OSBPL5: variants seen among roughly 807,000 people sequenced by gnomAD.
OSBPL5 encodes the protein oxysterol-binding protein-related protein 5.
In OSBPL5, 71 loss-of-function variants were observed where a neutral mutation model predicts 111.2. The ratio of observed to expected loss-of-function variants is 0.64; its 90% CI spans 0.53 to 0.78. OSBPL5 has a LOEUF of 0.78. Among genes scored for constraint, OSBPL5 ranks in the 30% least tolerant of loss-of-function variants. The pLI is 0.00. For missense variants in OSBPL5, 1,210 were observed against 1,189.3 expected (o/e 1.02, Z -0.26); for synonymous variants, 549 against 513.9 (o/e 1.07, Z -0.93).
chr11:3,088,705 G>A (rs1227610931), intron 21 of OSBPL5, among the ~76,000 whole-genome samples: 2 of 152,182 alleles, frequency 1.3e-5, no homozygotes, highest in Non-Finnish European at 2.9e-5. Context: ...GACTGTATTT[G>A]GAGATGGGGT....
At position 3,126,047 on chromosome 11, in the gene OSBPL5, C is replaced by A. The variant is rs184081509; in HGVS notation, c.219+426G>T. Among the ~76,000 whole-genome samples, 1 of 152,162 alleles carries A rather than the reference C, an allele frequency of 6.6e-6. No individual in the cohort carries two copies. Among genetic ancestry groups the A allele is most frequent in the African/African-American group, 2.4e-5 (1 of 41,430 alleles). On this transcript the variant is annotated intron_variant, in intron 3 of 21. Transcript: ENST00000263650. The surrounding 1 kb of genome is among the most constrained non-coding windows in gnomAD (Gnocchi z 6.5). ...CAAGCGTTGGTGAGGATGTGAGGAACTGGAGCCCTTGTGCACTGTGGGTGG... is the reference window on the plus strand; with the variant it reads ...CAAGCGTTGGTGAGGATGTGAGGAAATGGAGCCCTTGTGCACTGTGGGTGG...
Position 3,138,079 on chromosome 11 carries a change from C to T in OSBPL5, c.-21-8910G>A, listed in dbSNP as rs542120534. On this transcript the variant is annotated intron_variant, in intron 1 of 21. Transcript: ENST00000263650. Reference sequence around the variant, plus strand: ...CATCGAGCCATGCCTGCGTGTTCTCCGGGCTGCCTCAGCCAAGTCCTGTGC... The same window carrying T: ...CATCGAGCCATGCCTGCGTGTTCTCTGGGCTGCCTCAGCCAAGTCCTGTGC... Among the ~76,000 whole-genome samples, 239 of 152,320 alleles carry T rather than the reference C, an allele frequency of 1.6e-3. 1 individual carries two copies. The highest frequency in any genetic ancestry group is 5.2e-3 in the African/African-American group (217 of 41,572).
In OSBPL5 at chr11:3,092,322, G is replaced by A. The variant is rs1347110395; in HGVS notation, c.2259+110C>T. The A allele has an allele frequency of 5.2e-5, 72 of 1,378,892 alleles. No individual in the cohort carries two copies. Among genetic ancestry groups the A allele is most frequent in the South Asian group, 1.6e-4 (11 of 67,284 alleles). The allele number at this position is 1,378,892 out of a possible 1,614,324, so 85.4% of individuals were successfully genotyped here. On this transcript the variant is annotated intron_variant, in intron 19 of 21. Transcript: ENST00000263650. This position sits in a 1 kb window ranked among gnomAD's most constrained non-coding sequence, Gnocchi z 5.4. Reference sequence around the variant, plus strand: ...GACGAGGGGGCTGGGGGATGAGGGCGTGAGGGAAACGGAGCGAGGGGAAGG... The same window carrying A: ...GACGAGGGGGCTGGGGGATGAGGGCATGAGGGAAACGGAGCGAGGGGAAGG...
rs543879552 is a variant in OSBPL5, at chr11:3,105,250, A to G, written c.1060-873T>C. On this transcript the variant is annotated intron_variant, in intron 9 of 21. Coordinates refer to ENST00000263650, the MANE Select transcript of OSBPL5 (RefSeq NM_020896.4). This position sits in a 1 kb window ranked among gnomAD's most constrained non-coding sequence, Gnocchi z 5.2. ...TAGCCCAACGGCAGCTGCCCCAGGG[A>G]GCGGGCAAGATGGAGTGTGGCCTGT... 6.6e-6 allele frequency among the ~76,000 whole-genome samples: 1 copy of G among 152,312 alleles called. No homozygotes were observed. The highest frequency in any genetic ancestry group is 2.4e-5 in the African/African-American group (1 of 41,572).
intron 1 of OSBPL5, among the ~76,000 whole-genome samples, chr11:3,158,478 C>T (rs1846849145): frequency 6.6e-6 from 1 of 152,262 alleles, no homozygotes; most frequent in Non-Finnish European, 1.5e-5. Flanking sequence ...ATGTGCAAGA[C>T]AGCAGGGTGG....
At chr11:3,119,090 A>G (rs1406067634) in intron 7 of OSBPL5, among the ~76,000 whole-genome samples, 1 of 151,812 alleles carries the variant, frequency 6.6e-6, no homozygotes, top group Non-Finnish European at 1.5e-5. Context: ...GATTGCTGCA[A>G]CTTCCATCTC....
intron 20 of OSBPL5, 102 bp from the exon 21 acceptor site, chr11:3,090,050 C>T (rs1019831856): frequency 1.4e-5 from 12 of 834,298 alleles, no homozygotes; most frequent in East Asian, 8.4e-5. Context: ...ATATCCAGCT[C>T]GGGCCTCCAC....
At chr11:3,094,817 GGCACCA>G (rs1857200063) in intron 14 of OSBPL5, 1 of 154,596 alleles carries the variant, frequency 6.5e-6, no homozygotes, top group Admixed American at 6.5e-5. Flanking sequence ...GAACACAGAG[GGCACCA>G]GCACCCATGA....
Position 3,114,591 on chromosome 11 carries a change from A to AT in OSBPL5, c.691+4955dup, listed in dbSNP as rs59645003. On this transcript the variant is annotated intron_variant, in intron 7 of 21. Transcript: ENST00000263650. ...GACTAAAGAATTGGTTAGAACAATGATTTTTTTTTTTTTTTTTTTTTTTTT... is the reference window on the plus strand; with the variant it reads ...GACTAAAGAATTGGTTAGAACAATGATTTTTTTTTTTTTTTTTTTTTTTTTT... Among the ~76,000 whole-genome samples, 519 of 113,918 alleles carry AT rather than the reference A, an allele frequency of 4.6e-3. 16 individuals carry two copies. Among genetic ancestry groups the AT allele is most frequent in the East Asian group, 0.013 (53 of 4,054 alleles). 74.7% of individuals were successfully genotyped at this position (113,918 alleles called of 152,430 possible).
rs1029426309 is a variant in OSBPL5 at position 3,140,543 on chromosome 11, C to T, written c.-21-11374G>A. 2.0e-5 allele frequency among the ~76,000 whole-genome samples: 3 copies of T among 152,118 alleles called. No homozygotes were observed. The highest frequency in any genetic ancestry group is 6.5e-5 in the Admixed American group (1 of 15,282). ...ACTCCGTGAGCACGCAGGGCCTCCC[C>T]CAGCAGAGAGGGGCACCGAGGGAAG... On this transcript the variant is annotated intron_variant, in intron 1 of 21. Transcript: ENST00000263650. The surrounding 1 kb of genome is among the most constrained non-coding windows in gnomAD (Gnocchi z 4.5).
intron 1 of OSBPL5, among the ~76,000 whole-genome samples, chr11:3,148,633 C>T (rs1037176181): frequency 2.6e-5 from 4 of 152,160 alleles, no homozygotes; most frequent in African/African-American, 7.2e-5. Context: ...TTCTATCATA[C>T]GAAGCCAAAC....
intron 1 of OSBPL5, among the ~76,000 whole-genome samples, chr11:3,148,965 G>A (rs1217479114): frequency 6.6e-6 from 1 of 152,214 alleles, no homozygotes; most frequent in Non-Finnish European, 1.5e-5. Context: ...GTTGGCAGGG[G>A]CCGGCCAGGT....
In OSBPL5 at chr11:3,110,802, C is replaced by T. The variant is rs779047892; in HGVS notation, c.692-2857G>A. Reference sequence around the variant, plus strand: ...CCCTCCCCGCTTGAAGTTGTCCCGCCTTTCCAGACCAAACCAATGTTCATC... The same window carrying T: ...CCCTCCCCGCTTGAAGTTGTCCCGCTTTTCCAGACCAAACCAATGTTCATC... On this transcript the variant is annotated intron_variant, in intron 7 of 21. Coordinates refer to ENST00000263650, the MANE Select transcript of OSBPL5 (RefSeq NM_020896.4). The surrounding 1 kb of genome is among the most constrained non-coding windows in gnomAD (Gnocchi z 5.3). Among the ~76,000 whole-genome samples, 1 of 152,162 alleles carries T rather than the reference C, an allele frequency of 6.6e-6. No individual in the cohort carries two copies. The highest frequency in any genetic ancestry group is 1.5e-5 in the Non-Finnish European group (1 of 68,034).
rs555039321 is a variant in OSBPL5, at chr11:3,105,817, G to A, written c.1060-1440C>T. ...CCCAGGCTCGCACCTGCAGCAGCCCGCTCTGCCTGGCTCACAGCAGCGTCG... is the reference window on the plus strand; with the variant it reads ...CCCAGGCTCGCACCTGCAGCAGCCCACTCTGCCTGGCTCACAGCAGCGTCG... On this transcript the variant is annotated intron_variant, in intron 9 of 21. Transcript: ENST00000263650. The surrounding 1 kb of genome is among the most constrained non-coding windows in gnomAD (Gnocchi z 5.2). 3.9e-5 allele frequency among the ~76,000 whole-genome samples: 6 copies of A among 152,306 alleles called. No homozygotes were observed. In the East Asian group the frequency reaches 9.6e-4, roughly 24 times the overall value.
At chr11:3,155,005 G>C (rs988653069) in intron 1 of OSBPL5, among the ~76,000 whole-genome samples, 1 of 152,188 alleles carries the variant, frequency 6.6e-6, no homozygotes, top group Non-Finnish European at 1.5e-5. Flanking sequence ...CTTATAAAAA[G>C]AGGAGATGAG....
chr11:3,094,614 C>G (rs1354855851), intron 14 of OSBPL5: 2 of 438,480 alleles, frequency 4.6e-6, no homozygotes, highest in Admixed American at 3.8e-5. Flanking sequence ...CCGTCTCCCC[C>G]ACTAAGGGGG....
Position 3,113,622 on chromosome 11 carries a change from C to G in OSBPL5, c.692-5677G>C, listed in dbSNP as rs944752091. On this transcript the variant is annotated intron_variant, in intron 7 of 21. Transcript: ENST00000263650. This position sits in a 1 kb window ranked among gnomAD's most constrained non-coding sequence, Gnocchi z 4.8. ...TGAGCCAAGATCGCACCACTGCACT[C>G]CAGCCTGGGAGACTAGAGCAAGACT... Among the ~76,000 whole-genome samples, 1 of 151,632 alleles carries G rather than the reference C, an allele frequency of 6.6e-6. No individual in the cohort carries two copies. The highest frequency in any genetic ancestry group is 1.5e-5 in the Non-Finnish European group (1 of 67,968).
At chr11:3,120,661 G>A in intron 5 of OSBPL5, 37 bp from the exon 6 acceptor site, 2 of 1,601,968 alleles carry the variant, frequency 1.2e-6, no homozygotes, top group Non-Finnish European at 1.7e-6. Context: ...CCCACCCTCT[G>A]GGGCCGCCAT....
At chr11:3,103,774 AGCCTCTGCAGTCCC>A (rs1564830022) in intron 10 of OSBPL5, among the ~76,000 whole-genome samples, 334 of 27,780 alleles carry the variant, frequency 0.012, 38 homozygotes, top group South Asian at 0.025. Flanking sequence ...GCCCCCTTCC[AGCCTCTGCAGTCCC>A]TTCCTGCCTC....
Sources: allele counts gnomAD v4.1 joint callset (sites outside exome capture counted in the v4.1 genomes callset), GRCh38; gene constraint gnomAD v4.1.1; non-coding constraint Gnocchi (gnomAD v3.1); transcripts MANE v1.5; gene names NCBI Gene and HGNC (gene_info 2026-07-23, HGNC 2026-07-21).